The following GRM7 variants were observed in gnomAD, a reference collection of about 807,000 sequenced individuals.
GRM7 encodes the protein glutamate metabotropic receptor 7.
In GRM7, 35 loss-of-function variants were observed where a neutral mutation model predicts 84.5. That is an observed-to-expected ratio of 0.41 (90% CI 0.32 to 0.55). GRM7 has a LOEUF of 0.55. Ranked by LOEUF, GRM7 falls within the 20% of genes least tolerant of loss-of-function variation. The pLI, the probability that GRM7 is intolerant of heterozygous loss-of-function variation, is 0.19. For missense variants in GRM7, 1,003 were observed against 1,194.6 expected (o/e 0.84, Z 2.36); for synonymous variants, 487 against 455.1 (o/e 1.07, Z -0.89).
At chr3:7,341,820 C>T (rs1175054178) in intron 4 of GRM7, among the ~76,000 whole-genome samples, 1 of 152,070 alleles carries the variant, frequency 6.6e-6, no homozygotes, top group African/African-American at 2.4e-5. Flanking sequence ...AGTTTAATAA[C>T]TTGCTCAAGT....
intron 4 of GRM7, among the ~76,000 whole-genome samples, chr3:7,317,820 A>G (rs1295028493): frequency 1.3e-5 from 2 of 152,076 alleles, no homozygotes; most frequent in Non-Finnish European, 2.9e-5. Flanking sequence ...GCTGTCAAGA[A>G]GAAGAGGTGA....
intron 7 of GRM7, among the ~76,000 whole-genome samples, chr3:7,547,422 G>A (rs191448955): frequency 8.0e-4 from 121 of 152,116 alleles, no homozygotes; most frequent in African/African-American, 2.8e-3. Context: ...TAGCCAGGAT[G>A]GTCTCGATCT....
chr3:7,267,266 G>A (rs1007854291), intron 2 of GRM7, among the ~76,000 whole-genome samples: 5 of 152,138 alleles, frequency 3.3e-5, no homozygotes, highest in African/African-American at 1.2e-4. Flanking sequence ...CACTGTCTTT[G>A]GTTTGCAAGA....
At chr3:7,267,579 C>G (rs763990497) in intron 2 of GRM7, among the ~76,000 whole-genome samples, 2 of 152,082 alleles carry the variant, frequency 1.3e-5, no homozygotes, top group South Asian at 2.1e-4. Context: ...GCTTGCAGCC[C>G]GGAGTGCCAA....
chr3:7,152,432 A>T (rs1252032654), intron 2 of GRM7, among the ~76,000 whole-genome samples: 1 of 152,222 alleles, frequency 6.6e-6, no homozygotes, highest in Non-Finnish European at 1.5e-5. Flanking sequence ...AAAGATGTTT[A>T]GCGTGAAACA....
intron 5 of GRM7, among the ~76,000 whole-genome samples, chr3:7,431,322 A>G (rs1696821897): frequency 6.6e-6 from 1 of 152,150 alleles, no homozygotes; most frequent in African/African-American, 2.4e-5. Flanking sequence ...CAACCTACAT[A>G]TTGTATGATC....
intron 5 of GRM7, among the ~76,000 whole-genome samples, chr3:7,447,739 ATATTTATTT>A (rs952737550): frequency 1.4e-5 from 2 of 140,736 alleles, no homozygotes; most frequent in South Asian, 2.2e-4. Context: ...TTTTTTTTTA[ATATTTATTT>A]TATTTATTTT....
chr3:7,631,275 T>C (rs918097738), intron 8 of GRM7, among the ~76,000 whole-genome samples: 3 of 151,964 alleles, frequency 2.0e-5, no homozygotes, highest in African/African-American at 7.3e-5. Context: ...TTGTAAAAGA[T>C]AAAGATTCCA....
At chr3:7,471,318 C>T (rs762987648) in intron 7 of GRM7, among the ~76,000 whole-genome samples, 1 of 152,022 alleles carries the variant, frequency 6.6e-6, no homozygotes, top group South Asian at 2.1e-4. Context: ...AATATCAAGG[C>T]GGCACCAGGG....
intron 8 of GRM7, among the ~76,000 whole-genome samples, chr3:7,592,526 G>C (rs1391346872): frequency 6.6e-6 from 1 of 152,158 alleles, no homozygotes; most frequent in Non-Finnish European, 1.5e-5. Flanking sequence ...TGGAGGACAG[G>C]TGGCAGGGCA....
Position 7,740,554 on chromosome 3 carries a change from C to G in GRM7, c.*148C>G, listed in dbSNP as rs992713403. The G allele has an allele frequency of 2.0e-6, 1 of 495,970 alleles. No homozygotes were observed. The highest frequency in any genetic ancestry group is 3.6e-6 in the Non-Finnish European group (1 of 277,336). The allele number at this position is 495,970 out of a possible 1,614,324, so 30.7% of individuals were successfully genotyped here. On this transcript the variant is annotated 3_prime_UTR_variant, in exon 10 of 10. Coordinates refer to ENST00000357716, the MANE Select transcript of GRM7 (RefSeq NM_000844.4). Reference sequence around the variant, plus strand: ...ACCAGTGTTAGAGGATCCAAGCGACCTAAACAGCTGCTTTATGAAATATCC... The same window carrying G: ...ACCAGTGTTAGAGGATCCAAGCGACGTAAACAGCTGCTTTATGAAATATCC...
Position 7,440,275 on chromosome 3 carries a change from G to A in GRM7, c.1175-12332G>A, listed in dbSNP as rs758292518. Reference sequence around the variant, plus strand: ...TGTAAAGCTATCAACTCTAGCAATAGTGAAACACATCTGGCCCTTATTTTG... The same window carrying A: ...TGTAAAGCTATCAACTCTAGCAATAATGAAACACATCTGGCCCTTATTTTG... On this transcript the variant is annotated intron_variant, in intron 5 of 9. Coordinates refer to ENST00000357716, the MANE Select transcript of GRM7 (RefSeq NM_000844.4). Among the ~76,000 whole-genome samples the A allele has an allele frequency of 7.9e-5, 12 of 152,294 alleles. No homozygotes were observed. In the East Asian group the frequency reaches 2.1e-3, roughly 27 times the overall value.
intron 7 of GRM7, among the ~76,000 whole-genome samples, chr3:7,473,489 GGAGAGAGAGAGAGAGAGA>G (rs372898836): frequency 2.0e-4 from 25 of 126,500 alleles, no homozygotes; most frequent in South Asian, 1.1e-3. Flanking sequence ...AAAACGAGAG[GGAGAGAGAGAGAGAGAGA>G]GAGAGAGAGA....
intron 7 of GRM7, among the ~76,000 whole-genome samples, chr3:7,575,020 G>T (rs1315029640): frequency 4.6e-5 from 7 of 152,030 alleles, no homozygotes; most frequent in Admixed American, 4.6e-4. Context: ...ACTTTCCTAG[G>T]ACTCTACAAC....
At chr3:7,240,119 G>GGTTTTTTTTTTT (rs1697494941) in intron 2 of GRM7, among the ~76,000 whole-genome samples, 1 of 19,178 alleles carries the variant, frequency 5.2e-5, no homozygotes, top group African/African-American at 1.4e-4. Context: ...TAGCATGTGA[G>GGTTTTTTTTTTT]GTTTTTTTTT....
chr3:7,169,416 A>G (rs896685213), intron 2 of GRM7, among the ~76,000 whole-genome samples: 1 of 152,150 alleles, frequency 6.6e-6, no homozygotes, highest in Non-Finnish European at 1.5e-5. Context: ...TGACACTCTA[A>G]TCTTCAATTC....
chr3:7,377,148 A>G (rs1000088874), intron 4 of GRM7, among the ~76,000 whole-genome samples: 2 of 152,204 alleles, frequency 1.3e-5, no homozygotes, highest in Admixed American at 1.3e-4. Flanking sequence ...CACTGACCTA[A>G]ATGTAATACT....
chr3:7,538,183 C>T (rs1026049384), intron 7 of GRM7, among the ~76,000 whole-genome samples: 1 of 152,184 alleles, frequency 6.6e-6, no homozygotes, highest in African/African-American at 2.4e-5. Context: ...AATTTCAGCT[C>T]ACTGCAACCT....
intron 1 of GRM7, among the ~76,000 whole-genome samples, chr3:6,983,848 A>G (rs564195812): frequency 2.0e-5 from 3 of 151,606 alleles, no homozygotes; most frequent in Non-Finnish European, 4.4e-5. Context: ...ATATTAATAG[A>G]TCTTACTAAA....
Sources: gnomAD v4.1 joint callset for allele counts (sites outside exome capture counted in the v4.1 genomes callset) on GRCh38, gnomAD v4.1.1 for gene constraint, MANE v1.5 for transcripts, NCBI Gene and HGNC (gene_info 2026-07-23, HGNC 2026-07-21) for gene names.